ATP6V1E2: variants seen among roughly 807,000 people sequenced by gnomAD.
ATP6V1E2 encodes the protein ATPase H+ transporting V1 subunit E2.
For missense variants in ATP6V1E2, 308 were observed against 273.3 expected, an observed-to-expected ratio of 1.13 and a Z score of -0.90; for synonymous variants, 121 against 104.2, an observed-to-expected ratio of 1.16 and a Z score of -0.98.
Position 46,511,937 on chromosome 2 carries a change from A to T in ATP6V1E2, c.*94T>A, listed in dbSNP as rs966236436. 8.0e-6 allele frequency: 9 copies of T among 1,131,414 alleles called. No homozygotes were observed. The East Asian group carries it at 2.2e-4, about 27-fold the overall frequency. The allele number at this position is 1,131,414 out of a possible 1,614,324, so 70.1% of individuals were successfully genotyped here. On this transcript the variant is annotated 3_prime_UTR_variant, in exon 5 of 5. Coordinates refer to ENST00000522587, the MANE Select transcript of ATP6V1E2 (RefSeq NM_001318063.2). The stretch of plus-strand genomic sequence containing the variant: ...AAGAAAAACAGAACAGTATCAGAGC[A>T]TCAAAGAGGAGGAAACACTACTAGT...
intron 4 of ATP6V1E2, among the ~76,000 whole-genome samples, chr2:46,517,256 G>A (rs1687753527): frequency 1.3e-5 from 2 of 152,140 alleles, no homozygotes; most frequent in African/African-American, 4.8e-5. Flanking sequence ...TTCAATAAAT[G>A]GTGTTGGGAA....
chr2:46,541,890 C>T (rs1473899744), intron 1 of ATP6V1E2: 1 of 152,250 alleles, frequency 6.6e-6, no homozygotes, highest in Non-Finnish European at 1.5e-5. Flanking sequence ...GGGATTACAA[C>T]GGAATACCTT....
intron 4 of ATP6V1E2, among the ~76,000 whole-genome samples, chr2:46,520,258 G>C (rs993717167): frequency 6.6e-6 from 1 of 152,236 alleles, no homozygotes; most frequent in African/African-American, 2.4e-5. Flanking sequence ...CATGTAATGT[G>C]TCTAGCAGAT....
intron 4 of ATP6V1E2, among the ~76,000 whole-genome samples, chr2:46,514,279 C>T (rs1169047958): frequency 6.9e-6 from 1 of 144,048 alleles, no homozygotes; most frequent in Non-Finnish European, 1.5e-5. Flanking sequence ...GACTCTGTCT[C>T]AAAAAAATAA....
chr2:46,533,885 C>T (rs1191223946), intron 4 of ATP6V1E2, among the ~76,000 whole-genome samples: 6 of 152,098 alleles, frequency 3.9e-5, no homozygotes, highest in African/African-American at 1.2e-4. Flanking sequence ...TTTAAAGACG[C>T]GATTTCATTA....
rs930339839 is a variant in ATP6V1E2 at position 46,535,816 on chromosome 2, G to A, written c.-105C>T. 6.6e-6 allele frequency: 1 copy of A among 152,242 alleles called. No homozygotes were observed. Among genetic ancestry groups the A allele is most frequent in the Non-Finnish European group, 1.5e-5 (1 of 68,044 alleles). The allele number at this position is 152,242 out of a possible 1,614,324, so 9.4% of individuals were successfully genotyped here. ...TTTTCTTCCCACCAAGGCTCACCAT[G>A]TAGAAGATTCTTCAAACCCAAAATG... On this transcript the variant is annotated 5_prime_UTR_variant, in exon 4 of 5. Transcript: ENST00000522587. The surrounding 1 kb of genome is among the most constrained non-coding windows in gnomAD (Gnocchi z 4.4).
intron 4 of ATP6V1E2, chr2:46,534,592 A>T (rs1040225423): frequency 6.6e-6 from 1 of 152,126 alleles, no homozygotes; most frequent in African/African-American, 2.4e-5. Context: ...TAACATTCTG[A>T]ATTTAATGTT....
In ATP6V1E2 at chr2:46,521,617, T is replaced by C. The variant is rs142177529; in HGVS notation, c.-101-8805A>G. Among the ~76,000 whole-genome samples, 912 of 152,220 alleles carry C rather than the reference T, an allele frequency of 6.0e-3. 8 individuals are homozygous for C. Among genetic ancestry groups the C allele is most frequent in the Admixed American group, 0.013 (200 of 15,290 alleles). On this transcript the variant is annotated intron_variant, in intron 4 of 4. Transcript: ENST00000522587. ...AAGTGGGTGAGAAAATGTAGAGAAG[T>C]AATGACTCCTTTGGGGGATTTTAAA...
At chr2:46,514,086 C>G (rs547902977) in intron 4 of ATP6V1E2, among the ~76,000 whole-genome samples, 23 of 151,928 alleles carry the variant, frequency 1.5e-4, no homozygotes, top group Non-Finnish European at 2.9e-4. Context: ...TCAAGACCAG[C>G]CTGGCCAACA....
At chr2:46,536,308 T>C (rs1361443653) in intron 3 of ATP6V1E2, among the ~76,000 whole-genome samples, 1 of 152,248 alleles carries the variant, frequency 6.6e-6, no homozygotes, top group East Asian at 1.9e-4. Flanking sequence ...GATTTATTTA[T>C]CAGCGTGATC....
intron 4 of ATP6V1E2, among the ~76,000 whole-genome samples, chr2:46,523,012 A>G (rs527976267): frequency 2.0e-5 from 3 of 151,698 alleles, no homozygotes; most frequent in Non-Finnish European, 2.9e-5. Context: ...GCTTTTTTTC[A>G]TATGTTCATT....
intron 3 of ATP6V1E2, 103 bp from the exon 4 acceptor site, chr2:46,536,030 G>C (rs1430924622): frequency 6.6e-6 from 1 of 152,184 alleles, no homozygotes; most frequent in African/African-American, 2.4e-5. Flanking sequence ...AATCATATGA[G>C]TATTCCATAC....
intron 4 of ATP6V1E2, among the ~76,000 whole-genome samples, chr2:46,513,905 AAG>A (rs1225221660): frequency 3.3e-5 from 5 of 152,184 alleles, no homozygotes; most frequent in African/African-American, 1.2e-4. Context: ...TATATAAGGG[AAG>A]GGGAAGAGAT....
chr2:46,525,012 T>C (rs1666825095), intron 4 of ATP6V1E2, among the ~76,000 whole-genome samples: 1 of 152,036 alleles, frequency 6.6e-6, no homozygotes, highest in Non-Finnish European at 1.5e-5. Flanking sequence ...TTGGACTATA[T>C]GCCAAAAGCC....
At chr2:46,526,141 G>A (rs1318575714) in intron 4 of ATP6V1E2, among the ~76,000 whole-genome samples, 2 of 152,114 alleles carry the variant, frequency 1.3e-5, no homozygotes, top group African/African-American at 2.4e-5. Context: ...TTGAGACGGA[G>A]TTTCACTCTT....
In ATP6V1E2 at chr2:46,532,926, G is replaced by A. The variant is rs181024074; in HGVS notation, c.-102+2887C>T. On this transcript the variant is annotated intron_variant, in intron 4 of 4. Transcript: ENST00000522587. Reference sequence around the variant, plus strand: ...CTATATCATTTAATGCGCAATGTAAGGATTTTATAAGAATATAGTTCTATT... The same window carrying A: ...CTATATCATTTAATGCGCAATGTAAAGATTTTATAAGAATATAGTTCTATT... Among the ~76,000 whole-genome samples, 121 of 151,930 alleles carry A rather than the reference G, an allele frequency of 8.0e-4. 1 individual carries two copies. The highest frequency in any genetic ancestry group is 1.6e-3 in the Non-Finnish European group (107 of 67,974).
In ATP6V1E2 at chr2:46,525,274, A is replaced by C. The variant is rs558320292; in HGVS notation, c.-102+10539T>G. 3.3e-3 allele frequency among the ~76,000 whole-genome samples: 502 copies of C among 151,934 alleles called. 2 individuals are homozygous for C. Among genetic ancestry groups the C allele is most frequent in the Middle Eastern group, 0.014 (4 of 294 alleles). On this transcript the variant is annotated intron_variant, in intron 4 of 4. Coordinates refer to ENST00000522587, the MANE Select transcript of ATP6V1E2 (RefSeq NM_001318063.2). ...CGGATCACGAGGTCAGGAGATCGAG[A>C]CCACGGTGAAACCCCGTCTCTACTA...
At chr2:46,518,691 T>TA (rs573924308) in intron 4 of ATP6V1E2, among the ~76,000 whole-genome samples, 9 of 151,648 alleles carry the variant, frequency 5.9e-5, no homozygotes, top group South Asian at 2.1e-4. Context: ...GATGTACTTT[T>TA]AAAAAAAACC....
chr2:46,522,958 A>G lies in ATP6V1E2; in HGVS notation c.-101-10146T>C, dbSNP rs540434996. Among the ~76,000 whole-genome samples, 3 of 152,276 alleles carry G rather than the reference A, an allele frequency of 2.0e-5. No individual in the cohort carries two copies. The South Asian group carries it at 6.2e-4, about 32-fold the overall frequency. On this transcript the variant is annotated intron_variant, in intron 4 of 4. Transcript: ENST00000522587. ...TCTGACTGGCATGAGATGGTATCTCATTGTGGTTTTGATTTGCATTTCTTT... is the reference window on the plus strand; with the variant it reads ...TCTGACTGGCATGAGATGGTATCTCGTTGTGGTTTTGATTTGCATTTCTTT...
Sources: allele counts gnomAD v4.1 joint callset (sites outside exome capture counted in the v4.1 genomes callset), GRCh38; gene constraint gnomAD v4.1.1; non-coding constraint Gnocchi (gnomAD v3.1); transcripts MANE v1.5; gene names NCBI Gene and HGNC (gene_info 2026-07-23, HGNC 2026-07-21).